Variants in FDFT1 observed in about 807,000 individuals in gnomAD.
The protein encoded by FDFT1 is squalene synthase.
In FDFT1, 68 loss-of-function variants were observed where a neutral mutation model predicts 46.8. The observed-to-expected ratio is 1.45, with a 90% CI of 1.19 to 1.78. The LOEUF (loss-of-function observed/expected upper bound fraction) is 1.78, where lower values mean the gene tolerates loss of function less well. Among genes scored for constraint, FDFT1 ranks in the 40% most tolerant of loss-of-function variants. The pLI, the probability that FDFT1 is intolerant of heterozygous loss-of-function variation, is 0.00. For synonymous variants in FDFT1, 351 were observed against 185.1 expected, an observed-to-expected ratio of 1.90 and a Z score of -7.28; for missense variants, 928 against 524.4, an observed-to-expected ratio of 1.77 and a Z score of -7.52.
intron 6 of FDFT1, among the ~76,000 whole-genome samples, chr8:11,831,076 TG>T (rs1292441617): frequency 6.6e-6 from 1 of 152,226 alleles, no homozygotes; most frequent in African/African-American, 2.4e-5. Context: ...AATCCCCTTC[TG>T]GTTGTTCTCC....
rs549787187 is a variant in FDFT1 at position 11,838,904 on chromosome 8, A to G, written c.*295A>G. ...TGAAGTCGCTGCATATGTGACTGTC[A>G]TGAGATCCTACTTAGTATGATCCTG... On this transcript the variant is annotated 3_prime_UTR_variant, in exon 8 of 8. Coordinates refer to ENST00000220584, the MANE Select transcript of FDFT1 (RefSeq NM_004462.5). 48 of 397,118 alleles carry G rather than the reference A, an allele frequency of 1.2e-4. No individual in the cohort carries two copies. The Middle Eastern group carries it at 3.8e-3, about 31-fold the overall frequency. 24.6% of individuals were successfully genotyped at this position (397,118 alleles called of 1,614,324 possible).
intron 5 of FDFT1, among the ~76,000 whole-genome samples, chr8:11,828,053 T>C (rs1306160441): frequency 6.6e-6 from 1 of 152,036 alleles, no homozygotes; most frequent in Non-Finnish European, 1.5e-5. Context: ...ATTACAAAAA[T>C]TAGCCAAGTG....
chr8:11,796,546 G>C (rs373514428), intron 1 of FDFT1, among the ~76,000 whole-genome samples: 1 of 152,198 alleles, frequency 6.6e-6, no homozygotes, highest in African/African-American at 2.4e-5. Flanking sequence ...TGGACACTCC[G>C]AGGCAGGCAG....
At chr8:11,834,686 C>T (rs1163726043) in intron 7 of FDFT1, among the ~76,000 whole-genome samples, 2 of 152,208 alleles carry the variant, frequency 1.3e-5, no homozygotes, top group African/African-American at 4.8e-5. Flanking sequence ...AAATGATGAT[C>T]AAGCTGATTC....
intron 7 of FDFT1, among the ~76,000 whole-genome samples, chr8:11,835,385 C>T (rs368759583): frequency 2.0e-5 from 3 of 152,312 alleles, no homozygotes; most frequent in East Asian, 3.9e-4. Flanking sequence ...GTACCAGTGA[C>T]TGCAGCTCTT....
intron 7 of FDFT1, among the ~76,000 whole-genome samples, chr8:11,837,567 G>C (rs1367608026): frequency 2.0e-5 from 3 of 152,100 alleles, no homozygotes; most frequent in African/African-American, 7.2e-5. Flanking sequence ...AGGGAGGTGG[G>C]CAAGGGCTGG....
chr8:11,818,218 C>T (rs1245377364), intron 3 of FDFT1, among the ~76,000 whole-genome samples: 1 of 152,192 alleles, frequency 6.6e-6, no homozygotes, highest in African/African-American at 2.4e-5. Flanking sequence ...TCACTGTGGT[C>T]TGAGAGAAAG....
At chr8:11,831,750 T>A (rs1030823505) in intron 7 of FDFT1, 80 bp downstream of exon 7, 25 of 1,155,938 alleles carry the variant, frequency 2.2e-5, no homozygotes, top group Non-Finnish European at 3.0e-5. Flanking sequence ...CAGGTTTGGA[T>A]ATTAGATGAT....
upstream of FDFT1, among the ~76,000 whole-genome samples, chr8:11,800,372 G>C (rs933456086): frequency 2.6e-5 from 4 of 151,328 alleles, no homozygotes; most frequent in African/African-American, 7.3e-5. Flanking sequence ...TTTTGCCATG[G>C]GAGTATACCA....
intron 4 of FDFT1, among the ~76,000 whole-genome samples, chr8:11,825,462 C>A (rs990338475): frequency 6.7e-6 from 1 of 149,806 alleles, no homozygotes; most frequent in African/African-American, 2.5e-5. Flanking sequence ...ATCACTTGAA[C>A]CCAAGAGGCA....
At chr8:11,806,033 C>T (rs1042909523) in intron 1 of FDFT1, among the ~76,000 whole-genome samples, 1 of 152,020 alleles carries the variant, frequency 6.6e-6, no homozygotes, top group Non-Finnish European at 1.5e-5. Context: ...GTTTTTTTCC[C>T]CTCCTGGAGA....
intron 3 of FDFT1, among the ~76,000 whole-genome samples, chr8:11,813,329 CAAT>C (rs1324762340): frequency 6.6e-6 from 1 of 152,144 alleles, no homozygotes; most frequent in African/African-American, 2.4e-5. Context: ...ATGATAATAG[CAAT>C]AATAGTGTTC....
chr8:11,800,731 G>GTTA (rs1334192020), upstream of FDFT1, among the ~76,000 whole-genome samples: 1 of 152,230 alleles, frequency 6.6e-6, no homozygotes, highest in Non-Finnish European at 1.5e-5. Flanking sequence ...ATTTAAGAAT[G>GTTA]TTAGCACAGG....
chr8:11,819,597 T>C (rs1808940836), intron 3 of FDFT1, among the ~76,000 whole-genome samples: 2 of 152,106 alleles, frequency 1.3e-5, no homozygotes, highest in Admixed American at 1.3e-4. Flanking sequence ...ATTAATTTGA[T>C]CTTCGATCAC....
At chr8:11,828,477 G>C (rs903618612) in intron 5 of FDFT1, among the ~76,000 whole-genome samples, 1 of 152,180 alleles carries the variant, frequency 6.6e-6, no homozygotes, top group African/African-American at 2.4e-5. Flanking sequence ...TGAGGCAGTG[G>C]CTGCCTTGGA....
At chr8:11,820,863 C>T (rs1809138278) in intron 3 of FDFT1, among the ~76,000 whole-genome samples, 1 of 152,232 alleles carries the variant, frequency 6.6e-6, no homozygotes, top group Admixed American at 6.5e-5. Context: ...GCTCACCCTC[C>T]ATGGGCTGCA....
At chr8:11,809,525 T>A in intron 2 of FDFT1, 142 bp from the exon 3 acceptor site, 1 of 1,315,182 alleles carries the variant, frequency 7.6e-7, no homozygotes, top group Non-Finnish European at 9.9e-7. Flanking sequence ...TTTCGTTAAG[T>A]ATGAAAAGCG....
rs1369936087 is a variant in FDFT1 at position 11,838,704 on chromosome 8, A to G, written c.*95A>G. On this transcript the variant is annotated 3_prime_UTR_variant, in exon 8 of 8. Transcript: ENST00000220584. ...GTGTTCTCTTTATTTTTTTCCTACT[A>G]CTTTAATCCCTAAAAGAACGCTGTG... 3.1e-6 allele frequency: 3 copies of G among 982,458 alleles called. No individual in the cohort carries two copies. Among genetic ancestry groups the G allele is most frequent in the Admixed American group, 1.9e-5 (1 of 51,630 alleles). The allele number at this position is 982,458 out of a possible 1,614,324, so 60.9% of individuals were successfully genotyped here.
intron 7 of FDFT1, among the ~76,000 whole-genome samples, chr8:11,835,229 T>TAG (rs371588182): frequency 2.1e-3 from 327 of 152,340 alleles, no homozygotes; most frequent in African/African-American, 7.5e-3. Flanking sequence ...TTGAGGCTAG[T>TAG]AGGTTTTTAA....
Sources: allele counts gnomAD v4.1 joint callset (sites outside exome capture counted in the v4.1 genomes callset), GRCh38; gene constraint gnomAD v4.1.1; transcripts MANE v1.5; gene names NCBI Gene and HGNC (gene_info 2026-07-23, HGNC 2026-07-21).